Variants in ANAPC4 observed in about 807,000 individuals in gnomAD.
ANAPC4 encodes the protein anaphase promoting complex subunit 4.
Under a neutral mutation model 119.8 loss-of-function variants are expected in ANAPC4, and 63 were observed. The observed-to-expected ratio is 0.53, with a 90% CI of 0.43 to 0.65. ANAPC4 has a LOEUF of 0.65. ANAPC4 is among the 30% of genes least tolerant of loss of function. ANAPC4 has a pLI of 0.00. For synonymous variants in ANAPC4, 283 were observed against 318.6 expected (o/e 0.89, Z 1.19); for missense variants, 716 against 945.1 (o/e 0.76, Z 3.18).
At chr4:25,407,299 T>C (rs1355071099) in intron 20 of ANAPC4, 46 bp downstream of exon 20, 1 of 1,456,434 alleles carries the variant, frequency 6.9e-7, no homozygotes, top group Non-Finnish European at 9.3e-7. Flanking sequence ...TGTTCATCTT[T>C]GTTATCCAAA....
At chr4:25,379,853 A>G (rs751165845) in intron 2 of ANAPC4, among the ~76,000 whole-genome samples, 35 of 152,042 alleles carry the variant, frequency 2.3e-4, no homozygotes, top group Admixed American at 2.0e-3. Context: ...CTTACTGTCA[A>G]TGGTTGTATA....
At chr4:25,389,396 A>G (rs775276658) in intron 7 of ANAPC4, among the ~76,000 whole-genome samples, 1 of 151,510 alleles carries the variant, frequency 6.6e-6, no homozygotes, top group Non-Finnish European at 1.5e-5. Flanking sequence ...TGACCTCGTG[A>G]TCCACCCGCC....
chr4:25,408,859 A>G (rs558561410), intron 20 of ANAPC4, among the ~76,000 whole-genome samples: 4 of 152,272 alleles, frequency 2.6e-5, no homozygotes, highest in Non-Finnish European at 4.4e-5. Context: ...TGTGTAGCAA[A>G]AGTTCCTATG....
At chr4:25,393,760 G>A in intron 10 of ANAPC4, 45 bp from the exon 11 acceptor site, 1 of 1,284,266 alleles carries the variant, frequency 7.8e-7, no homozygotes, top group Non-Finnish European at 1.1e-6. Context: ...TAGCAAGTTG[G>A]TTTAAATATT....
chr4:25,406,806 C>T, intron 18 of ANAPC4, 23 bp from the exon 19 acceptor site: 1 of 1,561,332 alleles, frequency 6.4e-7, no homozygotes, highest in South Asian at 1.2e-5. Flanking sequence ...CTTGATTTTT[C>T]TTTTTGTTCC....
chr4:25,410,872 T>G (rs1200164731), intron 21 of ANAPC4, among the ~76,000 whole-genome samples: 1 of 152,160 alleles, frequency 6.6e-6, no homozygotes, highest in South Asian at 2.1e-4. Flanking sequence ...CCCCAAGATA[T>G]CTCATTATGT....
intron 10 of ANAPC4, among the ~76,000 whole-genome samples, chr4:25,393,248 T>C (rs1399976723): frequency 1.3e-5 from 2 of 152,204 alleles, no homozygotes; most frequent in African/African-American, 2.4e-5. Flanking sequence ...CTTGGAGATA[T>C]TTGTTTCACC....
chr4:25,378,856 G>T (rs962611322), intron 2 of ANAPC4, among the ~76,000 whole-genome samples: 1 of 152,186 alleles, frequency 6.6e-6, no homozygotes, highest in Non-Finnish European at 1.5e-5. Context: ...TGCAGGCATG[G>T]TTGGGTTTAA....
chr4:25,414,119 G>A (rs916604574), intron 22 of ANAPC4: 1 of 489,746 alleles, frequency 2.0e-6, no homozygotes, highest in Non-Finnish European at 3.5e-6. Context: ...AACCTGCCAT[G>A]TGCTTAGCAC....
chr4:25,392,454 T>G, intron 10 of ANAPC4, 33 bp downstream of exon 10: 1 of 1,548,762 alleles, frequency 6.5e-7, no homozygotes, highest in South Asian at 1.1e-5. Flanking sequence ...ATGTGAATAT[T>G]TATTATCGGC....
rs966049485 is a variant in ANAPC4 at position 25,394,678 on chromosome 4, C to T, written c.949C>T (p.Leu317Phe). ...LLLWGKASAE[L>F]QTLLMNQLTV... is the part of the protein sequence containing the mutation. Reference sequence around the variant, plus strand: ...CTTTGTTTTTCATTGTAGTGCTGAACTTCAGACTCTCTTGATGAATCAGTT... The same window carrying T: ...CTTTGTTTTTCATTGTAGTGCTGAATTTCAGACTCTCTTGATGAATCAGTT... Residue 317 changes from leucine (L) to phenylalanine (F), a missense_variant, in exon 13 of 29, where the codon CTT becomes TTT. By Grantham distance (22) the Leu-to-Phe change is conservative. This residue lies in a region of ANAPC4 where 504 missense variants were observed against 615.8 expected (regional missense o/e 0.82). Coordinates refer to ENST00000315368, the MANE Select transcript of ANAPC4 (RefSeq NM_013367.3). 2 of 1,600,076 alleles carry T rather than the reference C, an allele frequency of 1.2e-6. No individual in the cohort carries two copies. The highest frequency in any genetic ancestry group is 1.3e-5 in the African/African-American group (1 of 74,114).
At position 25,377,502 on chromosome 4, in the gene ANAPC4, C is replaced by A. The variant is rs1215981197; in HGVS notation, c.75C>A (p.Phe25Leu). The change falls in exon 2 of 29, where the codon TTC becomes TTA. Residue 25 changes from phenylalanine to leucine, a missense_variant. By Grantham distance (22) the Phe-to-Leu change is conservative. Around this residue, in one of 3 missense-constraint regions of ANAPC4, gnomAD observed 202 missense variants for 293.5 expected, o/e 0.69. Coordinates refer to ENST00000315368, the MANE Select transcript of ANAPC4 (RefSeq NM_013367.3). Reference sequence around the variant, plus strand: ...AGCAGCTCCCGCAGGAGATTATTTTCCTGGTCTGGTCGCCCAAGCGGGATC... The same window carrying A: ...AGCAGCTCCCGCAGGAGATTATTTTACTGGTCTGGTCGCCCAAGCGGGATC... ...GEKQLPQEII[F>L]LVWSPKRDLI... 6.2e-7 allele frequency: 1 copy of A among 1,613,972 alleles called. No individual in the cohort carries two copies. Among genetic ancestry groups the A allele is most frequent in the South Asian group, 1.1e-5 (1 of 91,046 alleles).
intron 19 of ANAPC4, 67 bp from the exon 20 acceptor site, chr4:25,407,130 G>A: frequency 7.2e-7 from 1 of 1,390,880 alleles, no homozygotes; most frequent in Non-Finnish European, 1.0e-6. Context: ...AAGGTTTTGG[G>A]TTTAAATTTA....
rs1170487023 is a variant in ANAPC4 at position 25,417,620 on chromosome 4, G to A, written c.2080G>A (p.Asp694Asn). The A allele has an allele frequency of 1.9e-6, 3 of 1,594,040 alleles. No homozygotes were observed. The highest frequency in any genetic ancestry group is 2.6e-6 in the Non-Finnish European group (3 of 1,173,260). The change falls in exon 28 of 29, where the codon GAT (aspartate) becomes AAT (asparagine). Residue 694 changes from aspartate (D) to asparagine (N), a missense_variant. By Grantham distance (23) the Asp-to-Asn change is conservative. This residue lies in a region of ANAPC4 where 504 missense variants were observed against 615.8 expected (regional missense o/e 0.82). Coordinates refer to ENST00000315368, the MANE Select transcript of ANAPC4 (RefSeq NM_013367.3). ...TTGGTTTTTTTCCCTCTTTAGGCTA[G>A]ATGAACAGTGTAGTGCTATTCCCAC... ...QFTGTYSTRL[D>N]EQCSAIPTRT...
chr4:25,398,603 T>G (rs967517918), intron 16 of ANAPC4, among the ~76,000 whole-genome samples: 28 of 152,282 alleles, frequency 1.8e-4, no homozygotes, highest in African/African-American at 6.5e-4. Flanking sequence ...GCCTTTACTC[T>G]GGATGTAAAG....
At chr4:25,388,962 A>G (rs1722188386) in intron 7 of ANAPC4, 80 bp downstream of exon 7, 1 of 1,181,210 alleles carries the variant, frequency 8.5e-7, no homozygotes, top group Non-Finnish European at 1.2e-6. Context: ...TTAAGAGCAA[A>G]TCCTTTATTT....
chr4:25,406,647 C>T (rs536774277), intron 18 of ANAPC4, among the ~76,000 whole-genome samples, 182 bp from the exon 19 acceptor site: 8 of 152,282 alleles, frequency 5.3e-5, no homozygotes, highest in South Asian at 2.1e-4. Flanking sequence ...ATTACATTCT[C>T]GGAACCCCAG....
intron 10 of ANAPC4, among the ~76,000 whole-genome samples, chr4:25,392,799 G>C (rs1409359429): frequency 6.6e-6 from 1 of 152,118 alleles, no homozygotes; most frequent in Non-Finnish European, 1.5e-5. Flanking sequence ...AAGATGTTTG[G>C]GTGACCTGGA....
intron 25 of ANAPC4, 176 bp from the exon 26 acceptor site, chr4:25,415,290 G>A: frequency 2.1e-6 from 1 of 472,108 alleles, no homozygotes; most frequent in South Asian, 5.1e-5. Flanking sequence ...AATGTCTTTG[G>A]TGACTGTGTG....
Sources: allele counts gnomAD v4.1 joint callset (sites outside exome capture counted in the v4.1 genomes callset), GRCh38; gene constraint gnomAD v4.1.1; regional missense constraint gnomAD v4.1.1; transcripts MANE v1.5; gene names NCBI Gene and HGNC (gene_info 2026-07-23, HGNC 2026-07-21).